Variants in SUZ12 observed in about 807,000 individuals in gnomAD.
SUZ12 encodes the protein SUZ12 polycomb repressive complex 2 subunit, also known as polycomb protein SUZ12.
A neutral mutation model predicts 87.3 loss-of-function variants in SUZ12; 17 were observed. The ratio of observed to expected loss-of-function variants is 0.19; its 90% CI spans 0.13 to 0.29. The LOEUF (loss-of-function observed/expected upper bound fraction) is 0.29, where lower values mean the gene tolerates loss of function less well. SUZ12 is among the 10% of genes least tolerant of loss of function. The probability of loss-of-function intolerance (pLI) is 1.00; values close to 1 mark genes in which losing one functional copy is unlikely to be tolerated. For missense variants in SUZ12, 526 were observed against 912.2 expected, an observed-to-expected ratio of 0.58 and a Z score of 5.45; for synonymous variants, 253 against 312.4, an observed-to-expected ratio of 0.81 and a Z score of 2.01.
At chr17:31,945,860 G>T (rs8066558) in intron 3 of SUZ12, among the ~76,000 whole-genome samples, 27,723 of 151,918 alleles carry the variant, frequency 0.18, 3,111 homozygotes, top group African/African-American at 0.31. Flanking sequence ...AACATTATTC[G>T]GAAAAGTTTT....
At chr17:31,957,145 G>A (rs113115092) in intron 4 of SUZ12, among the ~76,000 whole-genome samples, 16,265 of 152,076 alleles carry the variant, frequency 0.11, 1,070 homozygotes, top group Middle Eastern at 0.15. Flanking sequence ...GCAGTGGCAC[G>A]ATCACTGGCT....
chr17:31,970,849 CA>C (rs1567825851), intron 5 of SUZ12, among the ~76,000 whole-genome samples: 1 of 151,628 alleles, frequency 6.6e-6, no homozygotes, highest in Non-Finnish European at 1.5e-5. Flanking sequence ...TGCCTTAGAA[CA>C]AAAAATTTTT....
intron 4 of SUZ12, among the ~76,000 whole-genome samples, chr17:31,958,576 G>A (rs907008053): frequency 2.6e-5 from 4 of 151,808 alleles, no homozygotes; most frequent in Admixed American, 6.6e-5. Context: ...GGCCAGGTGC[G>A]GTGGCTCACG....
intron 8 of SUZ12, 70 bp downstream of exon 8, chr17:31,976,684 T>C: frequency 9.2e-7 from 1 of 1,085,248 alleles, no homozygotes; most frequent in Non-Finnish European, 1.3e-6. Context: ...CAGAATATAA[T>C]TATTTATATT....
At chr17:31,973,113 A>T (rs1455987406) in intron 5 of SUZ12, 33 bp from the exon 6 acceptor site, 1 of 1,512,018 alleles carries the variant, frequency 6.6e-7, no homozygotes, top group East Asian at 2.5e-5. Flanking sequence ...TATATTTTTT[A>T]AATATATTTT....
intron 1 of SUZ12, among the ~76,000 whole-genome samples, chr17:31,939,405 A>G (rs987191107): frequency 2.6e-5 from 4 of 151,946 alleles, no homozygotes; most frequent in African/African-American, 9.7e-5. Flanking sequence ...TTTCAAAAAA[A>G]GAAAAAAAAA....
At chr17:31,949,321 T>C (rs1906808916) in intron 4 of SUZ12, among the ~76,000 whole-genome samples, 1 of 152,062 alleles carries the variant, frequency 6.6e-6, no homozygotes, top group Admixed American at 6.6e-5. Context: ...AATCAGAGGG[T>C]TACATAAATT....
intron 1 of SUZ12, among the ~76,000 whole-genome samples, chr17:31,939,899 C>A (rs145681064): frequency 0.032 from 4,929 of 152,250 alleles, 146 homozygotes; most frequent in Middle Eastern, 0.058. Context: ...ATCAATAGTT[C>A]TTTTGTTGAC....
At chr17:31,990,102 C>T (rs537496854) in intron 10 of SUZ12, among the ~76,000 whole-genome samples, 102 of 143,956 alleles carry the variant, frequency 7.1e-4, no homozygotes, top group African/African-American at 2.2e-3. Flanking sequence ...CTACAGGCGC[C>T]GGCCACCATG....
At chr17:31,971,482 C>T (rs1289184764) in intron 5 of SUZ12, among the ~76,000 whole-genome samples, 2 of 137,660 alleles carry the variant, frequency 1.5e-5, no homozygotes, top group African/African-American at 2.8e-5. Context: ...GGCTGGAGTG[C>T]AATGGTGTGA....
intron 4 of SUZ12, among the ~76,000 whole-genome samples, chr17:31,961,453 GGA>G (rs1907707059): frequency 6.6e-6 from 1 of 152,104 alleles, no homozygotes; most frequent in African/African-American, 2.4e-5. Context: ...GACTGAGGCA[GGA>G]GAATCACTTG....
chr17:31,986,383 A>G (rs1465777090), intron 9 of SUZ12, among the ~76,000 whole-genome samples: 1 of 152,134 alleles, frequency 6.6e-6, no homozygotes, highest in Non-Finnish European at 1.5e-5. Context: ...GTGCTGGTCT[A>G]ATAGATAATT....
intron 6 of SUZ12, among the ~76,000 whole-genome samples, chr17:31,974,108 A>T (rs774843146): frequency 2.6e-5 from 4 of 152,086 alleles, no homozygotes; most frequent in Non-Finnish European, 4.4e-5. Context: ...CTGTAGTCCC[A>T]GCTACTCGGG....
intron 8 of SUZ12, among the ~76,000 whole-genome samples, chr17:31,977,541 G>C (rs1287533108): frequency 6.6e-6 from 1 of 152,020 alleles, no homozygotes; most frequent in Non-Finnish European, 1.5e-5. Flanking sequence ...GCCTCCCAAA[G>C]TGCTGGGATT....
At chr17:31,985,505 A>G (rs1448730394) in intron 9 of SUZ12, among the ~76,000 whole-genome samples, 14 of 151,792 alleles carry the variant, frequency 9.2e-5, no homozygotes, top group Non-Finnish European at 2.9e-5. Context: ...GATTTCAAAT[A>G]ATTTTTATCT....
intron 3 of SUZ12, among the ~76,000 whole-genome samples, chr17:31,942,865 T>C (rs1167142909): frequency 6.6e-6 from 1 of 152,218 alleles, no homozygotes; most frequent in African/African-American, 2.4e-5. Context: ...TGAACAAGTT[T>C]ACATTTAAAG....
chr17:31,966,471 C>T, intron 5 of SUZ12: 1 of 307,784 alleles, frequency 3.2e-6, no homozygotes, highest in Non-Finnish European at 6.1e-6. Context: ...CCTCAGCCTC[C>T]TGAGTAGCTG....
Position 31,937,075 on chromosome 17 carries a change from TC to T in SUZ12, c.-170del, listed in dbSNP as rs897503648. The stretch of plus-strand genomic sequence containing the variant: ...GGGCTCTGAGGAGACACTTTTTTTT[TC>T]CTCCCTCCTTCCCTCCTCTCCTCCT... On this transcript the variant is annotated 5_prime_UTR_variant, in exon 1 of 16. Coordinates refer to ENST00000322652, the MANE Select transcript of SUZ12 (RefSeq NM_015355.4). 2.6e-5 allele frequency: 14 copies of T among 534,036 alleles called. No homozygotes were observed. Among genetic ancestry groups the T allele is most frequent in the African/African-American group, 2.4e-4 (12 of 50,090 alleles). The allele number at this position is 534,036 out of a possible 1,614,324, so 33.1% of individuals were successfully genotyped here.
chr17:31,940,190 G>C (rs1393487273), intron 1 of SUZ12, 96 bp from the exon 2 acceptor site: 3 of 1,521,474 alleles, frequency 2.0e-6, no homozygotes, highest in African/African-American at 2.8e-5. Context: ...TTCCATAGCA[G>C]ATGATAAGTT....
Sources: gnomAD v4.1 joint callset for allele counts (sites outside exome capture counted in the v4.1 genomes callset) on GRCh38, gnomAD v4.1.1 for gene constraint, MANE v1.5 for transcripts, NCBI Gene and HGNC (gene_info 2026-07-23, HGNC 2026-07-21) for gene names.